ESRRG: variants seen among roughly 807,000 people sequenced by gnomAD.
ESRRG encodes the protein estrogen-related receptor gamma.
A neutral mutation model predicts 44.0 loss-of-function variants in ESRRG; 13 were observed. The observed-to-expected ratio is 0.30, with a 90% CI of 0.19 to 0.47. ESRRG has a LOEUF of 0.47. Among genes scored for constraint, ESRRG ranks in the 20% least tolerant of loss-of-function variants. The pLI is 1.00. For synonymous variants in ESRRG, 215 were observed against 214.6 expected, an observed-to-expected ratio of 1.00 and a Z score of -0.02; for missense variants, 395 against 580.6, an observed-to-expected ratio of 0.68 and a Z score of 3.29.
At chr1:216,699,216 T>C (rs1182532365) in intron 1 of ESRRG, among the ~76,000 whole-genome samples, 1 of 152,232 alleles carries the variant, frequency 6.6e-6, no homozygotes, top group Non-Finnish European at 1.5e-5. Context: ...AGGGGGTTGT[T>C]ACCTAGTAGT....
chr1:216,735,575 CA>C (rs1297522560), intron 2 of ESRRG, among the ~76,000 whole-genome samples: 4 of 152,172 alleles, frequency 2.6e-5, no homozygotes, highest in African/African-American at 9.7e-5. Context: ...CTCTGTCACC[CA>C]TGAGAGAACC....
At chr1:217,096,878 G>A (rs569624729) in intron 1 of ESRRG, among the ~76,000 whole-genome samples, 4 of 152,134 alleles carry the variant, frequency 2.6e-5, no homozygotes, top group Non-Finnish European at 4.4e-5. Context: ...AATAAACAAT[G>A]ATCAAGGAGA....
intron 2 of ESRRG, among the ~76,000 whole-genome samples, chr1:216,919,803 T>C (rs1038486687): frequency 6.6e-6 from 1 of 152,276 alleles, no homozygotes; most frequent in South Asian, 2.1e-4. Context: ...CACCTGTCAG[T>C]GTATGGTAGG....
intron 3 of ESRRG, among the ~76,000 whole-genome samples, chr1:216,629,981 A>T (rs1310252499): frequency 6.6e-6 from 1 of 152,146 alleles, no homozygotes; most frequent in Non-Finnish European, 1.5e-5. Context: ...ATACACAGTA[A>T]TTTTTGAGGC....
intron 6 of ESRRG, among the ~76,000 whole-genome samples, chr1:216,514,663 G>C (rs1264520744): frequency 6.6e-6 from 1 of 152,068 alleles, no homozygotes; most frequent in African/African-American, 2.4e-5. Context: ...TTGTGGAATA[G>C]AAATAGCTCA....
upstream of ESRRG, among the ~76,000 whole-genome samples, chr1:216,727,554 C>T (rs1194260796): frequency 1.3e-5 from 2 of 152,134 alleles, no homozygotes; most frequent in East Asian, 3.9e-4. Context: ...TGAGAACACG[C>T]AGACTTCTTT....
intron 6 of ESRRG, 84 bp from the exon 7 acceptor site, chr1:216,507,267 TTTAA>T: frequency 1.1e-6 from 1 of 923,024 alleles, no homozygotes; most frequent in Non-Finnish European, 1.6e-6. Flanking sequence ...TAGTTATTAA[TTTAA>T]TTATTTTTGA....
At chr1:216,584,676 G>T (rs73089936) in intron 3 of ESRRG, among the ~76,000 whole-genome samples, 3,139 of 152,214 alleles carry the variant, frequency 0.021, 117 homozygotes, top group African/African-American at 0.072. Flanking sequence ...GCAATAATAA[G>T]AAATTTAAGA....
At chr1:217,007,275 G>A (rs567698747) in intron 1 of ESRRG, among the ~76,000 whole-genome samples, 5 of 152,266 alleles carry the variant, frequency 3.3e-5, no homozygotes, top group African/African-American at 7.2e-5. Context: ...TCAAGGGGGA[G>A]AGGGCCAGTG....
intron 3 of ESRRG, among the ~76,000 whole-genome samples, chr1:216,591,365 A>T (rs1359611842): frequency 6.6e-6 from 1 of 152,198 alleles, no homozygotes; most frequent in Non-Finnish European, 1.5e-5. Flanking sequence ...AGAGCATGGA[A>T]GCTCTGTGCC....
intron 2 of ESRRG, among the ~76,000 whole-genome samples, chr1:216,858,529 G>A (rs2095994167): frequency 6.6e-6 from 1 of 152,192 alleles, no homozygotes; most frequent in Non-Finnish European, 1.5e-5. Flanking sequence ...CTGATTAGTA[G>A]TGAGTGACTC....
rs1227887731 is a variant in ESRRG at position 216,505,584 on chromosome 1, A to G, written c.*1355T>C. On this transcript the variant is annotated 3_prime_UTR_variant, in exon 7 of 7. Transcript: ENST00000408911. ...ATTCCTAACCACCATGGCAGCTAGA[A>G]ATCATATGGCAATTGTACCTCCCAA... 1 of 152,574 alleles carries G rather than the reference A, an allele frequency of 6.6e-6. No homozygotes were observed. The highest frequency in any genetic ancestry group is 1.5e-5 in the Non-Finnish European group (1 of 68,034). 9.5% of individuals were successfully genotyped at this position (152,574 alleles called of 1,614,324 possible).
At chr1:216,832,833 A>C (rs1045244845) in intron 2 of ESRRG, among the ~76,000 whole-genome samples, 2 of 152,194 alleles carry the variant, frequency 1.3e-5, no homozygotes, top group South Asian at 2.1e-4. Context: ...AAAGTTAGCC[A>C]GATGTAGTGA....
chr1:217,002,751 G>A (rs2077208769), intron 1 of ESRRG, among the ~76,000 whole-genome samples: 2 of 152,112 alleles, frequency 1.3e-5, no homozygotes, highest in South Asian at 4.1e-4. Flanking sequence ...ACATGGAGAG[G>A]AACCAATTTG....
chr1:216,756,394 A>G (rs1249804310), intron 2 of ESRRG, among the ~76,000 whole-genome samples: 1 of 151,924 alleles, frequency 6.6e-6, no homozygotes, highest in Non-Finnish European at 1.5e-5. Flanking sequence ...TGGGGGATCG[A>G]GAAGATTATT....
At chr1:217,057,863 T>C (rs569089427) in intron 1 of ESRRG, among the ~76,000 whole-genome samples, 1 of 152,290 alleles carries the variant, frequency 6.6e-6, no homozygotes, top group East Asian at 1.9e-4. Flanking sequence ...AGTGTTAGTG[T>C]ATTTTATGTG....
intron 1 of ESRRG, among the ~76,000 whole-genome samples, chr1:217,032,225 T>C (rs1247908992): frequency 6.6e-6 from 1 of 152,220 alleles, no homozygotes; most frequent in Non-Finnish European, 1.5e-5. Context: ...TTCCTTGCCT[T>C]TTAACTACTG....
intron 1 of ESRRG, among the ~76,000 whole-genome samples, chr1:217,044,021 T>C (rs1388697193): frequency 6.6e-6 from 1 of 151,608 alleles, no homozygotes; most frequent in Non-Finnish European, 1.5e-5. Flanking sequence ...CAAATAAAAA[T>C]AGAAAAAAAA....
chr1:217,093,153 C>T (rs2092373504), upstream of ESRRG, among the ~76,000 whole-genome samples: 1 of 152,026 alleles, frequency 6.6e-6, no homozygotes, highest in South Asian at 2.1e-4. Flanking sequence ...AAATAAGAAC[C>T]CGTAGGCAGG....
Sources: allele counts gnomAD v4.1 joint callset (sites outside exome capture counted in the v4.1 genomes callset), GRCh38; gene constraint gnomAD v4.1.1; transcripts MANE v1.5; gene names NCBI Gene and HGNC (gene_info 2026-07-23, HGNC 2026-07-21).